PADI6: variants seen among roughly 807,000 people sequenced by gnomAD.
PADI6 encodes the protein inactive protein-arginine deiminase type-6.
PADI6 carries 66 observed loss-of-function variants against 78.2 expected under a neutral mutation model. That is an observed-to-expected ratio of 0.84 (90% CI 0.69 to 1.04). PADI6 has a LOEUF of 1.04. Ranked by LOEUF, PADI6 falls within the 50% of genes least tolerant of loss-of-function variation. The pLI is 0.00. For missense variants in PADI6, 854 were observed against 866.1 expected (o/e 0.99, Z 0.18); for synonymous variants, 397 against 346.9 (o/e 1.14, Z -1.60).
intron 3 of PADI6, among the ~76,000 whole-genome samples, chr1:17,377,719 C>T (rs1310715538): frequency 2.0e-5 from 3 of 152,168 alleles, no homozygotes; most frequent in Non-Finnish European, 2.9e-5. Context: ...TCCAGCAACT[C>T]GCACTCCCAG....
At chr1:17,372,548 T>C (rs1271391035) in intron 1 of PADI6, among the ~76,000 whole-genome samples, 187 bp downstream of exon 1, 1 of 152,128 alleles carries the variant, frequency 6.6e-6, no homozygotes, top group Non-Finnish European at 1.5e-5. Flanking sequence ...ACTTAAATCC[T>C]GCCTCTGCCC....
intron 8 of PADI6, among the ~76,000 whole-genome samples, chr1:17,391,096 T>C (rs1570142891): frequency 1.3e-5 from 2 of 152,338 alleles, no homozygotes; most frequent in South Asian, 4.1e-4. Flanking sequence ...TGTATTCTAT[T>C]AGTAGCAACA....
At chr1:17,390,706 T>C (rs535006999) in intron 8 of PADI6, among the ~76,000 whole-genome samples, 1 of 152,116 alleles carries the variant, frequency 6.6e-6, no homozygotes, top group African/African-American at 2.4e-5. Context: ...CTCAGAGGAA[T>C]AGCAGGCTTC....
At chr1:17,377,011 C>T (rs924821042) in intron 3 of PADI6, among the ~76,000 whole-genome samples, 8 of 152,054 alleles carry the variant, frequency 5.3e-5, no homozygotes, top group African/African-American at 1.7e-4. Context: ...TAGCTTGGAC[C>T]ATAGGTGTTA....
chr1:17,391,442 A>G (rs1046624157), intron 8 of PADI6, among the ~76,000 whole-genome samples: 11 of 151,624 alleles, frequency 7.3e-5, no homozygotes, highest in Middle Eastern at 6.3e-3. Context: ...ATGGTCTCAA[A>G]CTCCCAGTCT....
Position 17,388,860 on chromosome 1 carries a change from T to C in PADI6, c.942T>C (p.Pro314=). 6.2e-7 allele frequency: 1 copy of C among 1,613,564 alleles called. No individual in the cohort carries two copies. Among genetic ancestry groups the C allele is most frequent in the Non-Finnish European group, 8.5e-7 (1 of 1,179,748 alleles). Residue 314 remains proline, a synonymous_variant, in exon 8 of 16, where the codon CCT becomes CCC. Transcript: ENST00000619609. ...TCTTCATTCCCTGTACCCAGGTGCCTCTGGAGGTTTACCTGTGCAGGTGAG... is the reference window on the plus strand; with the variant it reads ...TCTTCATTCCCTGTACCCAGGTGCCCCTGGAGGTTTACCTGTGCAGGTGAG... ...PCVFIPCTQV[P]LEVYLCRELQ...
chr1:17,384,136 CTG>C (rs896527517), intron 6 of PADI6, among the ~76,000 whole-genome samples: 4 of 151,474 alleles, frequency 2.6e-5, no homozygotes, highest in African/African-American at 9.7e-5. Flanking sequence ...GAGTGGGACT[CTG>C]TCTCAAAAAA....
intron 3 of PADI6, 115 bp downstream of exon 3, chr1:17,375,614 G>T: frequency 6.7e-6 from 6 of 901,836 alleles, no homozygotes; most frequent in Non-Finnish European, 1.0e-5. Context: ...TGCCTCCTGT[G>T]GGCCCCAGGA....
intron 8 of PADI6, among the ~76,000 whole-genome samples, chr1:17,391,502 G>C (rs1202741316): frequency 2.0e-5 from 3 of 152,354 alleles, no homozygotes; most frequent in African/African-American, 7.2e-5. Flanking sequence ...TTACAGGCGT[G>C]CGCCACTGCG....
chr1:17,385,736 GTC>G (rs2075113035), intron 6 of PADI6, among the ~76,000 whole-genome samples: 1 of 83,764 alleles, frequency 1.2e-5, no homozygotes, highest in Non-Finnish European at 2.8e-5. Context: ...GGATGACATC[GTC>G]GTCCCCAAAA....
At chr1:17,377,234 C>G (rs995063162) in intron 3 of PADI6, among the ~76,000 whole-genome samples, 1 of 152,100 alleles carries the variant, frequency 6.6e-6, no homozygotes, top group Non-Finnish European at 1.5e-5. Context: ...GTGATCCTCC[C>G]GCCTCAGCCT....
chr1:17,401,586 C>G lies in PADI6; in HGVS notation c.*148C>G. On this transcript the variant is annotated 3_prime_UTR_variant, in exon 16 of 16. Transcript: ENST00000619609. ...CTGTCTGCCCCGACCGACCCTCGGA[C>G]CCAGTAGGATGGCAAATGCCGCCAG... 1.4e-6 allele frequency: 1 copy of G among 725,408 alleles called. No individual in the cohort carries two copies. 44.9% of individuals were successfully genotyped at this position (725,408 alleles called of 1,614,324 possible).
chr1:17,395,311 C>T (rs1373237705), intron 12 of PADI6, among the ~76,000 whole-genome samples: 1 of 151,874 alleles, frequency 6.6e-6, no homozygotes, highest in East Asian at 1.9e-4. Flanking sequence ...TCAAGCAATT[C>T]TCCTGCCTCA....
In PADI6 at chr1:17,395,043, T is replaced by C. The variant is rs373163022; in HGVS notation, c.1430T>C (p.Met477Thr). The change falls in exon 12 of 16, where the codon ATG becomes ACG. Residue 477 changes from methionine to threonine, a missense_variant. Transcript: ENST00000619609. The stretch of plus-strand genomic sequence containing the variant: ...GTGGAGCTCTACTCAGATTGGCTAA[T>C]GACTGGCCACGTGGATGAGTTCATG... ...APVELYSDWL[M>T]TGHVDEFMCF... The C allele has an allele frequency of 2.5e-6, 4 of 1,613,852 alleles. No homozygotes were observed. The African/African-American group carries it at 5.3e-5, about 22-fold the overall frequency.
At chr1:17,400,088 G>C (rs2075286362) in intron 15 of PADI6, among the ~76,000 whole-genome samples, 1 of 151,806 alleles carries the variant, frequency 6.6e-6, no homozygotes, top group Admixed American at 6.6e-5. Context: ...CATGCCTGTA[G>C]TCTCAGCCAC....
intron 2 of PADI6, 35 bp downstream of exon 2, chr1:17,373,268 C>A: frequency 1.2e-6 from 2 of 1,605,288 alleles, no homozygotes; most frequent in Non-Finnish European, 1.7e-6. Flanking sequence ...GGGCATCTCC[C>A]GGGGTGGGAC....
At chr1:17,394,122 C>G in intron 10 of PADI6, 40 bp downstream of exon 10, 1 of 1,589,042 alleles carries the variant, frequency 6.3e-7, no homozygotes. Flanking sequence ...TCAGTCCAAT[C>G]TCTCAGGCCT....
chr1:17,397,040 C>G (rs1004991255), intron 13 of PADI6, 31 bp from the exon 14 acceptor site: 1 of 1,607,822 alleles, frequency 6.2e-7, no homozygotes, highest in South Asian at 1.1e-5. Flanking sequence ...ATTCCCTGAC[C>G]AGCAGGCCTG....
intron 6 of PADI6, among the ~76,000 whole-genome samples, chr1:17,386,598 T>C (rs1194145832): frequency 1.3e-5 from 2 of 152,208 alleles, no homozygotes; most frequent in Admixed American, 1.3e-4. Context: ...CTGCCTTGTC[T>C]GGTCTTGCCC....
Sources: allele counts gnomAD v4.1 joint callset (sites outside exome capture counted in the v4.1 genomes callset), GRCh38; gene constraint gnomAD v4.1.1; transcripts MANE v1.5; gene names NCBI Gene and HGNC (gene_info 2026-07-23, HGNC 2026-07-21).